The following UBE3A variants were observed in gnomAD, a reference collection of about 807,000 sequenced individuals.
UBE3A encodes the protein ubiquitin protein ligase E3A.
Under a neutral mutation model 83.4 loss-of-function variants are expected in UBE3A, and 6 were observed. That is an observed-to-expected ratio of 0.07 (90% CI 0.04 to 0.14). The LOEUF is 0.14. Ranked by LOEUF, UBE3A falls within the 10% of genes least tolerant of loss-of-function variation. The pLI is 1.00. For missense variants in UBE3A, 456 were observed against 1,036.1 expected (o/e 0.44, Z 7.69); for synonymous variants, 337 against 355.4 (o/e 0.95, Z 0.58).
At chr15:25,343,162 G>A (rs2075135693) in intron 11 of UBE3A, among the ~76,000 whole-genome samples, 1 of 152,020 alleles carries the variant, frequency 6.6e-6, no homozygotes, top group Non-Finnish European at 1.5e-5. Flanking sequence ...GTAATAACAG[G>A]TCCAGAAAAA....
chr15:25,403,392 G>A (rs2087655313), intron 4 of UBE3A, among the ~76,000 whole-genome samples: 1 of 152,074 alleles, frequency 6.6e-6, no homozygotes, highest in South Asian at 2.1e-4. Context: ...CTAACCTACA[G>A]TAACATACTA....
chr15:25,366,976 T>G (rs954396159), intron 6 of UBE3A, among the ~76,000 whole-genome samples: 2 of 151,810 alleles, frequency 1.3e-5, no homozygotes, highest in Non-Finnish European at 2.9e-5. Flanking sequence ...TTAAACAATT[T>G]TCCCATTCAG....
intron 11 of UBE3A, among the ~76,000 whole-genome samples, chr15:25,341,770 A>G (rs2074865668): frequency 6.7e-6 from 1 of 148,262 alleles, no homozygotes; most frequent in Non-Finnish European, 1.5e-5. Flanking sequence ...AAAAAAAAAA[A>G]AAAATTTCAT....
chr15:25,376,595 T>C (rs2081260702), intron 4 of UBE3A, among the ~76,000 whole-genome samples: 1 of 151,938 alleles, frequency 6.6e-6, no homozygotes, highest in African/African-American at 2.4e-5. Context: ...TAAGCTGAAA[T>C]TGCACCACTG....
At chr15:25,403,435 TAC>T (rs371327639) in intron 4 of UBE3A, among the ~76,000 whole-genome samples, 59 of 151,270 alleles carry the variant, frequency 3.9e-4, no homozygotes, top group African/African-American at 1.1e-3. Flanking sequence ...ACTATTGAAG[TAC>T]ACACACACAC....
chr15:25,403,233 A>C (rs1237498225), intron 4 of UBE3A, among the ~76,000 whole-genome samples: 1 of 152,230 alleles, frequency 6.6e-6, no homozygotes, highest in African/African-American at 2.4e-5. Context: ...TCAGGTAGCC[A>C]GCCAGTCAAG....
Position 25,371,392 on chromosome 15 carries a change from G to A in UBE3A, c.782C>T (p.Ser261Leu). The A allele has an allele frequency of 6.2e-7, 1 of 1,614,096 alleles. No homozygotes were observed. The highest frequency in any genetic ancestry group is 8.5e-7 in the Non-Finnish European group (1 of 1,179,980). ...CGTCAAGTCACATTCCACGTTAGGTGACAAATATACAAGTGCATTGAGAAA... is the reference window on the plus strand; with the variant it reads ...CGTCAAGTCACATTCCACGTTAGGTAACAAATATACAAGTGCATTGAGAAA... ...TAFLNALVYL[S>L]PNVECDLTYH... Residue 261 changes from serine to leucine, a missense_variant, in exon 6 of 13, where the codon TCA becomes TTA. Coordinates refer to ENST00000648336, the MANE Select transcript of UBE3A (RefSeq NM_130839.5). This position sits in a 1 kb window ranked among gnomAD's most constrained non-coding sequence, Gnocchi z 5.3.
At chr15:25,396,722 G>C (rs2085663159) in intron 4 of UBE3A, among the ~76,000 whole-genome samples, 2 of 152,076 alleles carry the variant, frequency 1.3e-5, no homozygotes, top group African/African-American at 4.8e-5. Flanking sequence ...CATTAGTTCT[G>C]TTTCTAGGCT....
At chr15:25,367,164 T>TATATTTACATATTTGTAAATATGTAC (rs2079258626) in intron 6 of UBE3A, among the ~76,000 whole-genome samples, 1 of 112,000 alleles carries the variant, frequency 8.9e-6, no homozygotes, top group African/African-American at 3.2e-5. Context: ...CACAAATGGG[T>TATATTTACATATTTGTAAATATGTAC]ATATTTACAT....
At chr15:25,355,839 T>C (rs1455370393) in intron 9 of UBE3A, 53 bp downstream of exon 9, 17 of 1,526,124 alleles carry the variant, frequency 1.1e-5, no homozygotes, top group Non-Finnish European at 1.5e-5. Flanking sequence ...TAAGCATACA[T>C]GCTTTGAAAG....
chr15:25,354,278 G>T, intron 11 of UBE3A, 75 bp downstream of exon 11: 1 of 1,324,816 alleles, frequency 7.5e-7, no homozygotes, highest in Non-Finnish European at 1.1e-6. Flanking sequence ...TTAGTACCTA[G>T]AGATAAAGGT....
rs199950859 is a variant in UBE3A, at chr15:25,430,027, C to CTATATATATATATA, written c.-165+8448_-165+8461dup. 2.4e-4 allele frequency among the ~76,000 whole-genome samples: 16 copies of CTATATATATATATA among 66,172 alleles called. 2 individuals are homozygous for CTATATATATATATA. The highest frequency in any genetic ancestry group is 1.7e-3 in the African/African-American group (14 of 8,202). 43.4% of individuals were successfully genotyped at this position (66,172 alleles called of 152,430 possible). A position where few individuals can be genotyped will look rare whatever the true frequency, so the allele number is the denominator to read the frequency against. The stretch of plus-strand genomic sequence containing the variant: ...CTCAGGAGGAAAAACAAAAAAAAAC[C>CTATATATATATATA]TATATATATATATATATATATATTT... On this transcript the variant is annotated intron_variant, in intron 1 of 12. Transcript: ENST00000648336.
At chr15:25,388,371 A>C (rs2083579040) in intron 4 of UBE3A, among the ~76,000 whole-genome samples, 1 of 152,234 alleles carries the variant, frequency 6.6e-6, no homozygotes, top group African/African-American at 2.4e-5. Context: ...AAGAAAAATC[A>C]CATGACCATA....
In UBE3A at chr15:25,358,096, T is replaced by G. The variant is rs1291409212; in HGVS notation, c.1754-1200A>C. Among the ~76,000 whole-genome samples, 5 of 151,834 alleles carry G rather than the reference T, an allele frequency of 3.3e-5. No individual in the cohort carries two copies. The East Asian group carries it at 9.7e-4, about 30-fold the overall frequency. Reference sequence around the variant, plus strand: ...CACTCATTGGAAAATTGGGGCCCGGTGTGGTAGTTCACACCTGTAATCCCA... The same window carrying G: ...CACTCATTGGAAAATTGGGGCCCGGGGTGGTAGTTCACACCTGTAATCCCA... On this transcript the variant is annotated intron_variant, in intron 7 of 12. Transcript: ENST00000648336.
intron 1 of UBE3A, among the ~76,000 whole-genome samples, chr15:25,434,999 C>G (rs917466779): frequency 1.3e-4 from 20 of 149,860 alleles, no homozygotes; most frequent in Non-Finnish European, 2.1e-4. Flanking sequence ...CACACACACA[C>G]ACACACACAC....
At chr15:25,429,078 ACT>A (rs1377289119) in intron 1 of UBE3A, among the ~76,000 whole-genome samples, 2 of 152,176 alleles carry the variant, frequency 1.3e-5, no homozygotes, top group Non-Finnish European at 2.9e-5. Context: ...AAAACTTGAT[ACT>A]GAGTTTAAAA....
intron 1 of UBE3A, among the ~76,000 whole-genome samples, chr15:25,425,106 C>T (rs568987008): frequency 6.6e-6 from 1 of 152,124 alleles, no homozygotes; most frequent in Admixed American, 6.5e-5. Context: ...AGACTTACTA[C>T]AAAGCTACAG....
chr15:25,341,360 C>T (rs180750571), intron 11 of UBE3A, among the ~76,000 whole-genome samples: 63 of 151,232 alleles, frequency 4.2e-4, no homozygotes, highest in South Asian at 1.7e-3. Flanking sequence ...CATGAGCCAC[C>T]GCGCCTGGCC....
intron 1 of UBE3A, among the ~76,000 whole-genome samples, chr15:25,434,480 C>T (rs905046240): frequency 6.6e-6 from 1 of 152,136 alleles, no homozygotes; most frequent in Non-Finnish European, 1.5e-5. Context: ...TCAAACATTT[C>T]GTGTTTGGAT....
Sources: allele counts gnomAD v4.1 joint callset (sites outside exome capture counted in the v4.1 genomes callset), GRCh38; gene constraint gnomAD v4.1.1; non-coding constraint Gnocchi (gnomAD v3.1); transcripts MANE v1.5; gene names NCBI Gene and HGNC (gene_info 2026-07-23, HGNC 2026-07-21).